The following CPNE3 variants were observed in gnomAD, a reference collection of about 807,000 sequenced individuals.
The protein encoded by CPNE3 is copine 3, also known as copine-3.
CPNE3 carries 68 observed loss-of-function variants against 63.9 expected under a neutral mutation model. The ratio of observed to expected loss-of-function variants is 1.06; its 90% CI spans 0.87 to 1.30. CPNE3 has a LOEUF of 1.30. Ranked by LOEUF, CPNE3 falls within the 50% of genes most tolerant of loss-of-function variation. The probability of loss-of-function intolerance (pLI) is 0.00; values close to 1 mark genes in which losing one functional copy is unlikely to be tolerated. For synonymous variants in CPNE3, 219 were observed against 197.5 expected (o/e 1.11, Z -0.91); for missense variants, 665 against 578.1 (o/e 1.15, Z -1.54).
At chr8:86,541,988 T>C (rs955603571) in intron 8 of CPNE3, among the ~76,000 whole-genome samples, 1 of 152,210 alleles carries the variant, frequency 6.6e-6, no homozygotes, top group African/African-American at 2.4e-5. Context: ...AACTATTTGA[T>C]TGTGTGTAAT....
At chr8:86,527,946 A>ATTTT (rs869225401) in intron 2 of CPNE3, among the ~76,000 whole-genome samples, 2,061 of 85,850 alleles carry the variant, frequency 0.024, 236 homozygotes, top group Middle Eastern at 0.078. Flanking sequence ...GTAAAAAGAA[A>ATTTT]TTTTTTTTTT....
At chr8:86,552,672 T>G (rs1821207700) in intron 14 of CPNE3, among the ~76,000 whole-genome samples, 1 of 151,476 alleles carries the variant, frequency 6.6e-6, no homozygotes, top group East Asian at 1.9e-4. Context: ...GCAAGGAAGT[T>G]TAATCCCCTT....
At chr8:86,538,678 T>G (rs1820860503) in intron 7 of CPNE3, among the ~76,000 whole-genome samples, 1 of 152,160 alleles carries the variant, frequency 6.6e-6, no homozygotes, top group African/African-American at 2.4e-5. Flanking sequence ...AAGACCAGAA[T>G]GTCCAACATT....
In CPNE3 at chr8:86,528,604, A is replaced by G. The variant is rs138817561; in HGVS notation, c.59A>G (p.Asp20Gly). Residue 20 changes from aspartate (D) to glycine (G), a missense_variant, in exon 3 of 17, where the codon GAT becomes GGT. Transcript: ENST00000517490. ...ALNVSCANLLDKDIGSKSDPL... is the reference protein window; with the variant it reads ...ALNVSCANLLGKDIGSKSDPL... ...AATGTTTCCTGTGCCAATCTTTTGG[A>G]TAAAGATATAGGGTCAAAGTCAGAC... The G allele has an allele frequency of 3.7e-6, 6 of 1,613,982 alleles. No homozygotes were observed. In the African/African-American group the frequency reaches 6.7e-5, roughly 18 times the overall value.
Position 86,548,415 on chromosome 8 carries a change from G to T in CPNE3, c.994G>T (p.Val332Phe). ...YLTALWSVGLVIQDYDADKMF... is the reference protein window; with the variant it reads ...YLTALWSVGLFIQDYDADKMF... Reference sequence around the variant, plus strand: ...GACTGCTCTCTGGTCTGTGGGACTGGTCATTCAAGATTATGATGCGTGAGT... The same window carrying T: ...GACTGCTCTCTGGTCTGTGGGACTGTTCATTCAAGATTATGATGCGTGAGT... Residue 332 changes from valine to phenylalanine, a missense_variant, in exon 12 of 17, where the codon GTC becomes TTC. Physicochemically the swap from Val to Phe is conservative, Grantham distance 50 (BLOSUM62 -1). Transcript: ENST00000517490. The T allele has an allele frequency of 6.2e-7, 1 of 1,614,098 alleles. No homozygotes were observed. The highest frequency in any genetic ancestry group is 8.5e-7 in the Non-Finnish European group (1 of 1,179,990).
rs755559079 is a variant in CPNE3, at chr8:86,531,171, A to G, written c.329A>G (p.Lys110Arg). The part of the protein sequence containing the change: ...CTLGQIVSSK[K>R]LTRPLVMKTG... Reference sequence around the variant, plus strand: ...TTCTAACAGATTGTTTCCAGCAAGAAGCTAACTCGACCACTGGTGATGAAA... The same window carrying G: ...TTCTAACAGATTGTTTCCAGCAAGAGGCTAACTCGACCACTGGTGATGAAA... The change falls in exon 5 of 17, where the codon AAG becomes AGG. Residue 110 changes from lysine (K) to arginine (R), a missense_variant. Lys to Arg is a conservative substitution (Grantham distance 26). Transcript: ENST00000517490. 1 of 1,252,884 alleles carries G rather than the reference A, an allele frequency of 8.0e-7. No individual in the cohort carries two copies. Among genetic ancestry groups the G allele is most frequent in the Non-Finnish European group, 1.2e-6 (1 of 849,864 alleles). The allele number at this position is 1,252,884 out of a possible 1,614,324, so 77.6% of individuals were successfully genotyped here. A position where few individuals can be genotyped will look rare whatever the true frequency, so the allele number is the denominator to read the frequency against.
rs1233143233 is a variant in CPNE3, at chr8:86,560,266, T to C, written c.*1856T>C. The stretch of plus-strand genomic sequence containing the variant: ...TTTGTATGCTTGGAAACAGCATAGA[T>C]ATGTTGCTGTGGTTTTCAGAATTTT... On this transcript the variant is annotated 3_prime_UTR_variant, in exon 17 of 17. Transcript: ENST00000517490. 6.6e-6 allele frequency: 1 copy of C among 152,240 alleles called. No homozygotes were observed. The allele number at this position is 152,240 out of a possible 1,614,324, so 9.4% of individuals were successfully genotyped here.
At chr8:86,552,030 G>A (rs1821192573) in intron 14 of CPNE3, among the ~76,000 whole-genome samples, 1 of 152,076 alleles carries the variant, frequency 6.6e-6, no homozygotes, top group African/African-American at 2.4e-5. Flanking sequence ...ACCACATTGA[G>A]CAATCAGCCA....
chr8:86,537,187 G>A (rs1439491835), intron 6 of CPNE3, among the ~76,000 whole-genome samples: 2 of 152,050 alleles, frequency 1.3e-5, no homozygotes, highest in African/African-American at 4.8e-5. Context: ...CCATAGAGTT[G>A]GTATGGCTAA....
chr8:86,527,534 T>C (rs1820566672), intron 2 of CPNE3, among the ~76,000 whole-genome samples: 1 of 152,200 alleles, frequency 6.6e-6, no homozygotes, highest in Non-Finnish European at 1.5e-5. Flanking sequence ...ACACCTTCTC[T>C]CTGTAGAATA....
At chr8:86,543,173 A>G (rs1820978070) in intron 8 of CPNE3, among the ~76,000 whole-genome samples, 1 of 152,090 alleles carries the variant, frequency 6.6e-6, no homozygotes, top group African/African-American at 2.4e-5. Flanking sequence ...GAGTCATATA[A>G]AAGGTTTTTG....
At chr8:86,535,912 T>C (rs1431106591) in intron 6 of CPNE3, among the ~76,000 whole-genome samples, 1 of 152,202 alleles carries the variant, frequency 6.6e-6, no homozygotes, top group African/African-American at 2.4e-5. Flanking sequence ...TTCTTATGAT[T>C]TAAAGAAATA....
At chr8:86,530,030 T>C (rs1408460810) in intron 4 of CPNE3, among the ~76,000 whole-genome samples, 1 of 152,164 alleles carries the variant, frequency 6.6e-6, no homozygotes, top group Non-Finnish European at 1.5e-5. Flanking sequence ...AAAATTCCTA[T>C]GAATTTGATA....
At chr8:86,517,308 T>C (rs1820337362) in intron 2 of CPNE3, among the ~76,000 whole-genome samples, 2 of 152,238 alleles carry the variant, frequency 1.3e-5, no homozygotes, top group African/African-American at 4.8e-5. Context: ...AAATACTACA[T>C]ACTCATTTTA....
Position 86,551,049 on chromosome 8 carries a change from T to C in CPNE3, c.1017T>C (p.Asp339=), listed in dbSNP as rs1821162566. 6.2e-7 allele frequency: 1 copy of C among 1,602,640 alleles called. No homozygotes were observed. The highest frequency in any genetic ancestry group is 8.5e-7 in the Non-Finnish European group (1 of 1,174,454). ...VGLVIQDYDA[D]KMFPAFGFGA... ...TTAAATATTTTTTTCTTTTTAGTGA[T>C]AAGATGTTTCCAGCTTTTGGTTTTG... The change falls in exon 13 of 17, where the codon GAT becomes GAC. Residue 339 remains aspartate (D), a synonymous_variant. Transcript: ENST00000517490.
At chr8:86,537,704 G>T in intron 7 of CPNE3, 58 bp downstream of exon 7, 1 of 1,004,094 alleles carries the variant, frequency 1.0e-6, no homozygotes, top group South Asian at 1.3e-5. Flanking sequence ...ATTGTAATCT[G>T]AATTTTAAAA....
At chr8:86,547,255 A>T (rs1821072746) in intron 10 of CPNE3, 1 of 154,806 alleles carries the variant, frequency 6.5e-6, no homozygotes, top group Non-Finnish European at 1.4e-5. Context: ...GCATCATAGT[A>T]TTTTCTCAGC....
chr8:86,537,663 G>T lies in CPNE3; in HGVS notation c.543+17G>T. The T allele has an allele frequency of 1.4e-6, 2 of 1,395,190 alleles. No individual in the cohort carries two copies. The highest frequency in any genetic ancestry group is 2.0e-6 in the Non-Finnish European group (2 of 980,078). 86.4% of individuals were successfully genotyped at this position (1,395,190 alleles called of 1,614,324 possible). On this transcript the variant is annotated intron_variant, in intron 7 of 16. Coordinates refer to ENST00000517490, the MANE Select transcript of CPNE3 (RefSeq NM_003909.5). ...CGGACAGAGGTGAATATTTGAATTT[G>T]AAAAGCAGAGTGGAGGTGTTCTTTG...
intron 4 of CPNE3, among the ~76,000 whole-genome samples, chr8:86,530,374 T>C (rs1309965114): frequency 6.6e-6 from 1 of 151,952 alleles, no homozygotes; most frequent in Non-Finnish European, 1.5e-5. Flanking sequence ...TTTGGCATGT[T>C]GCCAAGGCTG....
Sources: gnomAD v4.1 joint callset for allele counts (sites outside exome capture counted in the v4.1 genomes callset) on GRCh38, gnomAD v4.1.1 for gene constraint, MANE v1.5 for transcripts, NCBI Gene and HGNC (gene_info 2026-07-23, HGNC 2026-07-21) for gene names.